Variants in FBXO21 observed in about 807,000 individuals in gnomAD.
FBXO21 encodes F-box protein 21.
In FBXO21, 32 loss-of-function variants were observed where a neutral mutation model predicts 76.6. That is an observed-to-expected ratio of 0.42 (90% confidence interval 0.32 to 0.56). The LOEUF is 0.56. Among genes scored for constraint, FBXO21 ranks in the 20% least tolerant of loss-of-function variants. FBXO21 has a pLI of 0.16. For synonymous variants in FBXO21, 328 were observed against 311.5 expected, an observed-to-expected ratio of 1.05 and a Z score of -0.56; for missense variants, 586 against 797.3, an observed-to-expected ratio of 0.73 and a Z score of 3.19.
At chr12:117,159,380 C>T (rs1231502918) in intron 9 of FBXO21, among the ~76,000 whole-genome samples, 1 of 152,120 alleles carries the variant, frequency 6.6e-6, no homozygotes, top group East Asian at 1.9e-4. Context: ...GTGACTTTCC[C>T]GGGGTCACAG....
At chr12:117,170,385 A>C (rs1956106231) in intron 7 of FBXO21, among the ~76,000 whole-genome samples, 2 of 152,200 alleles carry the variant, frequency 1.3e-5, no homozygotes, top group African/African-American at 4.8e-5. Context: ...AACCTGACAA[A>C]ACTGATTCTA....
chr12:117,167,733 AAG>A (rs1445401536), intron 7 of FBXO21, among the ~76,000 whole-genome samples: 2 of 143,220 alleles, frequency 1.4e-5, no homozygotes, highest in African/African-American at 2.5e-5. Context: ...GCGACAGAAA[AAG>A]ACTCTGTCTC....
At chr12:117,152,919 C>A (rs894291583) in intron 11 of FBXO21, among the ~76,000 whole-genome samples, 2 of 151,982 alleles carry the variant, frequency 1.3e-5, no homozygotes, top group African/African-American at 4.8e-5. Flanking sequence ...AACTGTTCCA[C>A]GTGCGAGCAA....
In FBXO21 at chr12:117,143,231, T is replaced by A. The variant is rs1955734017; in HGVS notation, c.*2856A>T. ...GTGCGTGCGTGTAGGGGAGGGAAAT[T>A]CCAGGGTTTCATATATCAAGATGAC... On this transcript the variant is annotated 3_prime_UTR_variant, in exon 12 of 12. Coordinates refer to ENST00000622495, the MANE Select transcript of FBXO21 (RefSeq NM_015002.3). 1.3e-5 allele frequency: 2 copies of A among 151,774 alleles called. No homozygotes were observed. The highest frequency in any genetic ancestry group is 4.2e-4 in the South Asian group (2 of 4,804). The allele number at this position is 151,774 out of a possible 1,614,324, so 9.4% of individuals were successfully genotyped here.
At chr12:117,178,420 C>T (rs1956195146) in intron 3 of FBXO21, among the ~76,000 whole-genome samples, 2 of 152,266 alleles carry the variant, frequency 1.3e-5, no homozygotes, top group Admixed American at 6.5e-5. Flanking sequence ...ACAGTCCATC[C>T]TCAATACGGC....
rs144806923 is a variant in FBXO21 at position 117,165,721 on chromosome 12, C to G, written c.1194-104G>C. 1.5e-4 allele frequency: 172 copies of G among 1,157,106 alleles called. 1 individual carries two copies. In the East Asian group the frequency reaches 4.2e-3, roughly 28 times the overall value. The allele number at this position is 1,157,106 out of a possible 1,614,324, so 71.7% of individuals were successfully genotyped here. ...AAATATAATTGACACAAATCCCAAA[C>G]GTTTTCTGATTCTGGTATTTCTTCT... On this transcript the variant is annotated intron_variant, in intron 8 of 11. Coordinates refer to ENST00000622495, the MANE Select transcript of FBXO21 (RefSeq NM_015002.3).
intron 10 of FBXO21, among the ~76,000 whole-genome samples, chr12:117,156,975 G>C (rs1421459789): frequency 6.6e-6 from 1 of 152,118 alleles, no homozygotes; most frequent in Non-Finnish European, 1.5e-5. Context: ...TTGAGGTCAG[G>C]AGTTAGTGAC....
At position 117,182,564 on chromosome 12, in the gene FBXO21, CTTTTTTTTTTTTTT is replaced by C. The variant is rs891529583; in HGVS notation, c.470+3899_470+3912del. Among the ~76,000 whole-genome samples the C allele has an allele frequency of 3.6e-5, 3 of 83,324 alleles. 1 individual carries two copies. Among genetic ancestry groups the C allele is most frequent in the Non-Finnish European group, 6.4e-5 (3 of 46,912 alleles). 54.7% of individuals were successfully genotyped at this position (83,324 alleles called of 152,430 possible). On this transcript the variant is annotated intron_variant, in intron 3 of 11. Transcript: ENST00000622495. ...CATTGGGAGGCCACAGCAAGAGGAT[CTTTTTTTTTTTTTT>C]TTTTTTTTTGGACCGAGTCTGTCGC... is the stretch of plus-strand genomic sequence containing the variant.
At chr12:117,175,997 A>G (rs1470504418) in intron 4 of FBXO21, among the ~76,000 whole-genome samples, 1 of 152,216 alleles carries the variant, frequency 6.6e-6, no homozygotes, top group African/African-American at 2.4e-5. Flanking sequence ...CCAGTATACA[A>G]ATGAGGGGAT....
intron 11 of FBXO21, among the ~76,000 whole-genome samples, chr12:117,148,602 G>A (rs1210517145): frequency 6.6e-6 from 1 of 152,260 alleles, no homozygotes; most frequent in Non-Finnish European, 1.5e-5. Context: ...AGACCCCACA[G>A]CGGTGTCACA....
intron 9 of FBXO21, among the ~76,000 whole-genome samples, chr12:117,159,251 T>C (rs931519451): frequency 6.6e-6 from 1 of 151,954 alleles, no homozygotes; most frequent in Non-Finnish European, 1.5e-5. Context: ...TTGTTTCACT[T>C]AATCCTTCCC....
chr12:117,155,946 T>C lies in FBXO21; in HGVS notation c.1520A>G (p.Tyr507Cys). Residue 507 changes from tyrosine (Y) to cysteine (C), a missense_variant and splice_region_variant, in exon 11 of 12, where the codon TAT becomes TGT. Around this residue, in one of 6 missense-constraint regions of FBXO21, gnomAD observed 164 missense variants for 236.7 expected, o/e 0.69. Coordinates refer to ENST00000622495, the MANE Select transcript of FBXO21 (RefSeq NM_015002.3). ...SIGLIMKHKR[Y>C]GYNCVIYGWD... ...GCCGTAGATCACACAGTTATAGCCA[T>C]ACCTAGTTAACACAGGAGGAGCAGT... 6.2e-7 allele frequency: 1 copy of C among 1,614,022 alleles called. No homozygotes were observed. Among genetic ancestry groups the C allele is most frequent in the Non-Finnish European group, 8.5e-7 (1 of 1,179,924 alleles).
chr12:117,170,624 G>A (rs1427623412), intron 7 of FBXO21, among the ~76,000 whole-genome samples: 1 of 152,154 alleles, frequency 6.6e-6, no homozygotes, highest in East Asian at 1.9e-4. Context: ...AGTCCCTTAT[G>A]GGGCTCAGTG....
rs1252099573 is a variant in FBXO21, at chr12:117,189,270, C to G, written c.332G>C (p.Arg111Pro). Residue 111 changes from arginine (R) to proline (P), a missense_variant, in exon 2 of 12, where the codon CGG becomes CCG. Coordinates refer to ENST00000622495, the MANE Select transcript of FBXO21 (RefSeq NM_015002.3). ...CTTTGAGAACGAGGCTACAATCTTC[C>G]GCGCTTCTAACCCAGCTTTTTGCCG... ...KVRQKAGLEARKIVASFSKRF... is the reference protein window; with the variant it reads ...KVRQKAGLEAPKIVASFSKRF... 6.2e-7 allele frequency: 1 copy of G among 1,614,084 alleles called. No homozygotes were observed. Among genetic ancestry groups the G allele is most frequent in the Non-Finnish European group, 8.5e-7 (1 of 1,180,050 alleles).
At chr12:117,167,151 A>C in intron 7 of FBXO21, 74 bp from the exon 8 acceptor site, 1 of 1,129,886 alleles carries the variant, frequency 8.9e-7, no homozygotes, top group Non-Finnish European at 1.3e-6. Flanking sequence ...AGTAGCTCAA[A>C]TCATGGGCTG....
At chr12:117,187,402 A>G (rs1294929034) in intron 2 of FBXO21, among the ~76,000 whole-genome samples, 6 of 149,826 alleles carry the variant, frequency 4.0e-5, no homozygotes, top group Non-Finnish European at 8.9e-5. Flanking sequence ...CCTGGGCAAC[A>G]AGAGTGAAAC....
At position 117,145,888 on chromosome 12, in the gene FBXO21, T is replaced by C; in HGVS notation, c.*199A>G. ...TGCCTTTCAGATTAATTCACTAGTG[T>C]AGGCGGAGAGCAACATTGTCTTTGC... On this transcript the variant is annotated 3_prime_UTR_variant, in exon 12 of 12. Transcript: ENST00000622495. The C allele has an allele frequency of 8.4e-6, 4 of 478,456 alleles. No individual in the cohort carries two copies. The highest frequency in any genetic ancestry group is 3.9e-5 in the South Asian group (1 of 25,360). The allele number at this position is 478,456 out of a possible 1,614,324, so 29.6% of individuals were successfully genotyped here. A position where few individuals can be genotyped will look rare whatever the true frequency, so the allele number is the denominator to read the frequency against.
In FBXO21 at chr12:117,174,790, T is replaced by C. The variant is rs767135320; in HGVS notation, c.600A>G (p.Val200=). ...DDYESYLEGA[V]YIDQYCNPLS... is the part of the protein sequence containing the mutation. Reference sequence around the variant, plus strand: ...GAGGATTGCAGTACTGGTCAATATATACAGCACCTGAAAATGAACAAGAAT... The same window carrying C: ...GAGGATTGCAGTACTGGTCAATATACACAGCACCTGAAAATGAACAAGAAT... Residue 200 remains valine (V), a synonymous_variant, in exon 5 of 12, where the codon GTA becomes GTG. Coordinates refer to ENST00000622495, the MANE Select transcript of FBXO21 (RefSeq NM_015002.3). 2 of 1,610,226 alleles carry C rather than the reference T, an allele frequency of 1.2e-6. No individual in the cohort carries two copies. Among genetic ancestry groups the C allele is most frequent in the Non-Finnish European group, 8.5e-7 (1 of 1,178,488 alleles).
intron 10 of FBXO21, among the ~76,000 whole-genome samples, chr12:117,157,238 T>C (rs1955927480): frequency 6.6e-6 from 1 of 150,948 alleles, no homozygotes; most frequent in African/African-American, 2.4e-5. Context: ...AATAGGCGCT[T>C]AATAAAAGGA....
Sources: allele counts gnomAD v4.1 joint callset (sites outside exome capture counted in the v4.1 genomes callset), GRCh38; gene constraint gnomAD v4.1.1; regional missense constraint gnomAD v4.1.1; transcripts MANE v1.5; gene names NCBI Gene and HGNC (gene_info 2026-07-23, HGNC 2026-07-21).